The following CABCOCO1 variants were observed in gnomAD, a reference collection of about 807,000 sequenced individuals.
CABCOCO1 encodes ciliary-associated calcium-binding coiled-coil protein 1.
In CABCOCO1, 28 loss-of-function variants were observed where a neutral mutation model predicts 35.7. The observed-to-expected ratio is 0.78, with a 90% CI of 0.58 to 1.07. CABCOCO1 has a LOEUF of 1.07. Ranked by LOEUF, CABCOCO1 falls within the 50% of genes least tolerant of loss-of-function variation. CABCOCO1 has a pLI of 0.00. For synonymous variants in CABCOCO1, 95 were observed against 100.1 expected (o/e 0.95, Z 0.30); for missense variants, 326 against 309.2 (o/e 1.05, Z -0.41).
chr10:61,739,771 T>A (rs1288474705), intron 5 of CABCOCO1, among the ~76,000 whole-genome samples: 1 of 152,084 alleles, frequency 6.6e-6, no homozygotes, highest in African/African-American at 2.4e-5. Context: ...TGAAACCCTG[T>A]CTCTACTAAA....
chr10:61,694,443 A>G (rs1318159098), intron 5 of CABCOCO1, among the ~76,000 whole-genome samples: 5 of 151,702 alleles, frequency 3.3e-5, no homozygotes, highest in Middle Eastern at 3.4e-3. Context: ...GGCATGTACA[A>G]TTACTTGGGA....
At chr10:61,699,300 C>G (rs1490945921) in intron 5 of CABCOCO1, among the ~76,000 whole-genome samples, 1 of 152,180 alleles carries the variant, frequency 6.6e-6, no homozygotes, top group Non-Finnish European at 1.5e-5. Context: ...TCATCCCTCT[C>G]TAAATATAAA....
chr10:61,759,224 C>A (rs897774619), intron 5 of CABCOCO1, among the ~76,000 whole-genome samples: 2 of 152,066 alleles, frequency 1.3e-5, no homozygotes, highest in Non-Finnish European at 2.9e-5. Flanking sequence ...AAAACGAGAA[C>A]CCTCAAGTGG....
At position 61,681,302 on chromosome 10, in the gene CABCOCO1, A is replaced by G. The variant is rs1321034966; in HGVS notation, c.324A>G (p.Gln108=). 1 of 1,544,614 alleles carries G rather than the reference A, an allele frequency of 6.5e-7. No homozygotes were observed. The highest frequency in any genetic ancestry group is 8.9e-7 in the Non-Finnish European group (1 of 1,129,640). The change falls in exon 3 of 8, where the codon CAA becomes CAG. Residue 108 remains glutamine, a synonymous_variant. Coordinates refer to ENST00000648843, the MANE Select transcript of CABCOCO1 (RefSeq NM_001366906.2). The stretch of plus-strand genomic sequence containing the variant: ...TGACTTTACTAGCTATGTCACTTCA[A>G]AATCTTAAAAGTAAGTACACTATTT... The part of the protein sequence containing the change: ...KFMTLLAMSL[Q]NLKTLHMSLE...
chr10:61,714,206 C>T (rs559954875), intron 5 of CABCOCO1, among the ~76,000 whole-genome samples: 22 of 152,052 alleles, frequency 1.4e-4, no homozygotes, highest in Non-Finnish European at 2.2e-4. Context: ...TTGGTCTATT[C>T]GGAGATTCAA....
intron 1 of CABCOCO1, among the ~76,000 whole-genome samples, chr10:61,671,493 A>G (rs1003608022): frequency 1.4e-4 from 22 of 152,282 alleles, no homozygotes; most frequent in African/African-American, 5.1e-4. Flanking sequence ...TCCTCCACCC[A>G]AAGAGGATAT....
intron 1 of CABCOCO1, among the ~76,000 whole-genome samples, chr10:61,664,800 C>T (rs1839115181): frequency 6.6e-6 from 1 of 152,156 alleles, no homozygotes; most frequent in Non-Finnish European, 1.5e-5. Flanking sequence ...CAAGTCCTGC[C>T]TGCCACCCAT....
At chr10:61,703,478 T>C (rs769137009) in intron 5 of CABCOCO1, among the ~76,000 whole-genome samples, 1 of 152,198 alleles carries the variant, frequency 6.6e-6, no homozygotes, top group African/African-American at 2.4e-5. Context: ...ACTTGAATGA[T>C]CTTTTCCTCA....
chr10:61,667,105 T>TA (rs1839207140), intron 1 of CABCOCO1, among the ~76,000 whole-genome samples: 1 of 143,718 alleles, frequency 7.0e-6, no homozygotes, highest in Non-Finnish European at 1.5e-5. Flanking sequence ...ATAGTATATA[T>TA]AAATATAATT....
intron 1 of CABCOCO1, among the ~76,000 whole-genome samples, chr10:61,665,651 G>C (rs145104304): frequency 0.12 from 17,865 of 151,968 alleles, 1,123 homozygotes; most frequent in Middle Eastern, 0.17. Context: ...ACTTTGGGAG[G>C]CCGAGGCGGG....
At chr10:61,693,276 G>A (rs778306075) in intron 5 of CABCOCO1, among the ~76,000 whole-genome samples, 5 of 152,086 alleles carry the variant, frequency 3.3e-5, no homozygotes, top group Non-Finnish European at 5.9e-5. Flanking sequence ...GCTAACCCTT[G>A]GTACAAATAC....
intron 5 of CABCOCO1, among the ~76,000 whole-genome samples, chr10:61,733,093 C>T (rs762187599): frequency 5.3e-5 from 8 of 151,842 alleles, no homozygotes; most frequent in Admixed American, 3.3e-4. Context: ...TAGTATATAC[C>T]GTGTTTAACT....
chr10:61,701,238 C>T (rs1423187447), intron 5 of CABCOCO1, among the ~76,000 whole-genome samples: 1 of 152,014 alleles, frequency 6.6e-6, no homozygotes, highest in Non-Finnish European at 1.5e-5. Context: ...TTACTCTGTT[C>T]CCTTTTATTT....
intron 5 of CABCOCO1, among the ~76,000 whole-genome samples, chr10:61,732,364 A>G (rs1473930684): frequency 1.3e-5 from 2 of 152,072 alleles, no homozygotes; most frequent in African/African-American, 2.4e-5. Flanking sequence ...TGATGCCATC[A>G]ATGTCTAATC....
At chr10:61,705,567 C>T (rs1007122762) in intron 5 of CABCOCO1, among the ~76,000 whole-genome samples, 12 of 152,116 alleles carry the variant, frequency 7.9e-5, no homozygotes, top group African/African-American at 2.7e-4. Context: ...AGTAAACCCA[C>T]AGGCACATAA....
chr10:61,679,734 A>T (rs1317856171), intron 2 of CABCOCO1, among the ~76,000 whole-genome samples: 2 of 152,168 alleles, frequency 1.3e-5, no homozygotes, highest in East Asian at 3.9e-4. Flanking sequence ...TAGGAGAGGA[A>T]CAGGAAAGAG....
intron 5 of CABCOCO1, among the ~76,000 whole-genome samples, chr10:61,738,142 GC>G (rs1157814268): frequency 6.6e-6 from 1 of 151,198 alleles, no homozygotes; most frequent in African/African-American, 2.4e-5. Flanking sequence ...GTTTTTAAAT[GC>G]CCCATGGTGA....
At chr10:61,730,244 G>A (rs902904491) in intron 5 of CABCOCO1, among the ~76,000 whole-genome samples, 29 of 151,726 alleles carry the variant, frequency 1.9e-4, no homozygotes, top group African/African-American at 7.0e-4. Flanking sequence ...AGATGGGGCT[G>A]GAATATGTTA....
chr10:61,664,848 A>G (rs1463912587), intron 1 of CABCOCO1, among the ~76,000 whole-genome samples: 2 of 152,168 alleles, frequency 1.3e-5, no homozygotes, highest in East Asian at 1.9e-4. Flanking sequence ...AGATAGAAAA[A>G]TGGCAAGATT....
Sources: allele counts gnomAD v4.1 joint callset (sites outside exome capture counted in the v4.1 genomes callset), GRCh38; gene constraint gnomAD v4.1.1; transcripts MANE v1.5; gene names NCBI Gene and HGNC (gene_info 2026-07-23, HGNC 2026-07-21).